Variants in JMJD1C observed in about 807,000 individuals in gnomAD.
JMJD1C encodes jumonji domain containing 1C, also known as jumonji domain-containing protein 1C.
JMJD1C carries 31 observed loss-of-function variants against 245.3 expected under a neutral mutation model. That is an observed-to-expected ratio of 0.13 (90% CI 0.09 to 0.17). The LOEUF (loss-of-function observed/expected upper bound fraction) is 0.17, where lower values mean the gene tolerates loss of function less well. Ranked by LOEUF, JMJD1C falls within the 10% of genes least tolerant of loss-of-function variation. The pLI, the probability that JMJD1C is intolerant of heterozygous loss-of-function variation, is 1.00. For missense variants in JMJD1C, 2,691 were observed against 3,000.2 expected (o/e 0.90, Z 2.41); for synonymous variants, 1,057 against 1,017.4 (o/e 1.04, Z -0.74).
intron 24 of JMJD1C, among the ~76,000 whole-genome samples, chr10:63,172,013 GTGT>G (rs1279528386): frequency 1.3e-5 from 2 of 152,208 alleles, no homozygotes; most frequent in African/African-American, 2.4e-5. Context: ...ATAAAGAGCT[GTGT>G]TGTTGTCATT....
chr10:63,262,161 C>T (rs1482970842), intron 3 of JMJD1C, among the ~76,000 whole-genome samples: 2 of 152,186 alleles, frequency 1.3e-5, no homozygotes, highest in African/African-American at 2.4e-5. Context: ...GGTCAAGGCA[C>T]TATTTACAAA....
chr10:63,443,980 T>C (rs1951543331), intron 1 of JMJD1C, among the ~76,000 whole-genome samples: 1 of 152,206 alleles, frequency 6.6e-6, no homozygotes, highest in South Asian at 2.1e-4. Flanking sequence ...TGAATATTCA[T>C]CAACTCTCTC....
intron 1 of JMJD1C, among the ~76,000 whole-genome samples, chr10:63,425,381 A>G (rs1228034079): frequency 2.0e-5 from 3 of 152,200 alleles, no homozygotes; most frequent in African/African-American, 7.2e-5. Context: ...TTATGAGATT[A>G]AAAGTCTCTA....
chr10:63,305,633 T>TGTGTGTGTGTGTG (rs1938079136), intron 2 of JMJD1C, among the ~76,000 whole-genome samples: 1 of 61,990 alleles, frequency 1.6e-5, no homozygotes, highest in South Asian at 4.4e-4. Context: ...TGCTGGCGTG[T>TGTGTGTGTGTGTG]GTGTGTGTGT....
intron 2 of JMJD1C, among the ~76,000 whole-genome samples, chr10:63,353,036 T>G (rs10822160): frequency 0.43 from 64,618 of 151,956 alleles, 14,372 homozygotes; most frequent in South Asian, 0.53. Context: ...GAGGAGAGAC[T>G]GATGGTCATC....
Position 63,167,819 on chromosome 10 carries a change from C to G in JMJD1C, c.*226G>C. ...ACATCATATACACTATAATACAAAA[C>G]AGCTATATAGTGCTGCTTTTAAAAT... On this transcript the variant is annotated 3_prime_UTR_variant, in exon 26 of 26. Transcript: ENST00000399262. The G allele has an allele frequency of 2.3e-6, 1 of 442,352 alleles. No individual in the cohort carries two copies. Among genetic ancestry groups the G allele is most frequent in the South Asian group, 4.8e-5 (1 of 20,908 alleles). The allele number at this position is 442,352 out of a possible 1,614,324, so 27.4% of individuals were successfully genotyped here.
intron 2 of JMJD1C, among the ~76,000 whole-genome samples, chr10:63,285,155 A>C (rs1447824320): frequency 6.6e-6 from 1 of 152,186 alleles, no homozygotes; most frequent in East Asian, 1.9e-4. Context: ...GAGTTATCTC[A>C]TAGGTATAAT....
intron 1 of JMJD1C, among the ~76,000 whole-genome samples, chr10:63,416,088 T>C (rs747068329): frequency 6.6e-6 from 1 of 152,164 alleles, no homozygotes; most frequent in Admixed American, 6.6e-5. Flanking sequence ...GGATAACTTC[T>C]CTGTGATGCA....
rs547397306 is a variant in JMJD1C at position 63,427,676 on chromosome 10, G to A, written c.168+37819C>T. ...AACAACAGTGGCTGGACCGAAATCC[G>A]CAGAGAAGCCTGGGTCTCCTCTAGC... On this transcript the variant is annotated intron_variant, in intron 1 of 25. Transcript: ENST00000399262. The A allele has an allele frequency of 1.5e-4, 192 of 1,297,280 alleles. 1 individual carries two copies. The African/African-American group carries it at 2.2e-3, about 15-fold the overall frequency. The allele number at this position is 1,297,280 out of a possible 1,614,324, so 80.4% of individuals were successfully genotyped here.
rs143586202 is a variant in JMJD1C, at chr10:63,422,601, C to T, written c.169-42119G>A. On this transcript the variant is annotated intron_variant, in intron 1 of 25. Transcript: ENST00000399262. ...TATATATTCAAAGCAGGAGTCTCTACTGTAGACCCACTCAATGAACATTAA... is the reference window on the plus strand; with the variant it reads ...TATATATTCAAAGCAGGAGTCTCTATTGTAGACCCACTCAATGAACATTAA... Among the ~76,000 whole-genome samples the T allele has an allele frequency of 3.9e-5, 6 of 152,312 alleles. No homozygotes were observed. In the East Asian group the frequency reaches 1.2e-3, roughly 29 times the overall value.
chr10:63,402,832 T>A (rs910538347), intron 1 of JMJD1C, among the ~76,000 whole-genome samples: 1 of 152,188 alleles, frequency 6.6e-6, no homozygotes, highest in Non-Finnish European at 1.5e-5. Context: ...GCCCCTTATT[T>A]TAAAATTTAG....
intron 3 of JMJD1C, among the ~76,000 whole-genome samples, chr10:63,262,797 A>G (rs1192583180): frequency 8.8e-6 from 1 of 114,120 alleles, no homozygotes; most frequent in Non-Finnish European, 1.8e-5. Context: ...TATGCCTCTC[A>G]AACTGTTTTA....
chr10:63,275,788 A>G (rs1341186221), intron 2 of JMJD1C, among the ~76,000 whole-genome samples: 1 of 152,208 alleles, frequency 6.6e-6, no homozygotes, highest in Non-Finnish European at 1.5e-5. Context: ...TAGTGAACCC[A>G]GCCAGTTAAC....
rs55879769 is a variant in JMJD1C at position 63,361,719 on chromosome 10, T to TAAAAAAAAAA, written c.333+18589_333+18598dup. On this transcript the variant is annotated intron_variant, in intron 2 of 25. Coordinates refer to ENST00000399262, the MANE Select transcript of JMJD1C (RefSeq NM_032776.3). ...GGCAACAGAACAATACTGTCTCAAC[T>TAAAAAAAAAA]AAAAAAAAAAAAAAAAAAAAAAAAA... is the stretch of plus-strand genomic sequence containing the variant. Among the ~76,000 whole-genome samples the TAAAAAAAAAA allele has an allele frequency of 7.6e-4, 73 of 95,528 alleles. 2 individuals carry two copies. Among genetic ancestry groups the TAAAAAAAAAA allele is most frequent in the African/African-American group, 2.9e-3 (65 of 22,612 alleles). The allele number at this position is 95,528 out of a possible 152,430, so 62.7% of individuals were successfully genotyped here.
chr10:63,305,164 C>T (rs1589431431), intron 2 of JMJD1C, among the ~76,000 whole-genome samples: 1 of 151,568 alleles, frequency 6.6e-6, no homozygotes, highest in East Asian at 1.9e-4. Flanking sequence ...GTCAGGAGAT[C>T]GAGACCATCC....
intron 1 of JMJD1C, among the ~76,000 whole-genome samples, chr10:63,448,979 C>A (rs760925323): frequency 6.6e-6 from 1 of 151,734 alleles, no homozygotes; most frequent in African/African-American, 2.4e-5. Flanking sequence ...TAGCCAGGTG[C>A]GGTGGCGTGT....
At chr10:63,250,647 G>A (rs10995476) in intron 3 of JMJD1C, among the ~76,000 whole-genome samples, 2 of 152,334 alleles carry the variant, frequency 1.3e-5, no homozygotes, top group East Asian at 3.9e-4. Flanking sequence ...ATATGTGATG[G>A]AACTTAATGA....
chr10:63,338,769 C>T (rs1943102747), intron 2 of JMJD1C, among the ~76,000 whole-genome samples: 1 of 151,502 alleles, frequency 6.6e-6, no homozygotes, highest in African/African-American at 2.4e-5. Context: ...CTACCTCAGC[C>T]TCCCAAGTAG....
chr10:63,475,995 G>A (rs747388948), intron 1 of JMJD1C, among the ~76,000 whole-genome samples: 2 of 151,934 alleles, frequency 1.3e-5, no homozygotes, highest in Non-Finnish European at 2.9e-5. Flanking sequence ...GATCATTTAA[G>A]GTCAGGAATT....
Sources: gnomAD v4.1 joint callset for allele counts (sites outside exome capture counted in the v4.1 genomes callset) on GRCh38, gnomAD v4.1.1 for gene constraint, MANE v1.5 for transcripts, NCBI Gene and HGNC (gene_info 2026-07-23, HGNC 2026-07-21) for gene names.